The following PSD3 variants were observed in gnomAD, a reference collection of about 807,000 sequenced individuals.
PSD3 encodes the protein pleckstrin and Sec7 domain containing 3, also known as PH and SEC7 domain-containing protein 3.
In PSD3, 49 loss-of-function variants were observed where a neutral mutation model predicts 105.5. The ratio of observed to expected loss-of-function variants is 0.46; its 90% CI spans 0.37 to 0.59. The LOEUF (loss-of-function observed/expected upper bound fraction) is 0.59. Ranked by LOEUF, PSD3 falls within the 20% of genes least tolerant of loss-of-function variation. The pLI is 0.00. For synonymous variants in PSD3, 557 were observed against 457.8 expected (o/e 1.22, Z -2.77); for missense variants, 1,561 against 1,263.8 (o/e 1.24, Z -3.57).
At chr8:19,084,111 G>C (rs1310562852) in intron 1 of PSD3, 1 of 373,810 alleles carries the variant, frequency 2.7e-6, no homozygotes. Context: ...TCTAAGCAGA[G>C]GAGAGAACCA....
chr8:18,547,972 G>T (rs1800545795), intron 15 of PSD3, among the ~76,000 whole-genome samples: 3 of 152,094 alleles, frequency 2.0e-5, no homozygotes, highest in Non-Finnish European at 2.9e-5. Flanking sequence ...GAATCCTGTA[G>T]ATTTCTTTCT....
At chr8:18,797,476 T>G (rs74610762) in intron 8 of PSD3, among the ~76,000 whole-genome samples, 1 of 152,158 alleles carries the variant, frequency 6.6e-6, no homozygotes, top group African/African-American at 2.4e-5. Flanking sequence ...CAATTCCTTG[T>G]AAGTCTAAAG....
At chr8:18,883,063 T>C (rs146838411) in intron 2 of PSD3, among the ~76,000 whole-genome samples, 5 of 152,262 alleles carry the variant, frequency 3.3e-5, no homozygotes, top group African/African-American at 9.6e-5. Flanking sequence ...CCAAGGAGGC[T>C]TGTTAGAAAT....
intron 15 of PSD3, among the ~76,000 whole-genome samples, chr8:18,536,866 T>C (rs1295719455): frequency 6.6e-6 from 1 of 152,172 alleles, no homozygotes; most frequent in African/African-American, 2.4e-5. Flanking sequence ...AAAGTAAGTA[T>C]TCCACCATCC....
At chr8:18,918,725 C>T (rs1271523211) in intron 2 of PSD3, among the ~76,000 whole-genome samples, 1 of 152,102 alleles carries the variant, frequency 6.6e-6, no homozygotes, top group Admixed American at 6.5e-5. Context: ...TGTGGGTTTC[C>T]AGCTATGCAA....
chr8:18,809,727 T>C (rs560024159), intron 4 of PSD3, among the ~76,000 whole-genome samples: 3 of 152,346 alleles, frequency 2.0e-5, no homozygotes, highest in East Asian at 3.9e-4. Context: ...GGTAGCTTAT[T>C]CACAATTAGA....
chr8:18,632,574 A>T, intron 11 of PSD3, 39 bp downstream of exon 11: 1 of 1,558,052 alleles, frequency 6.4e-7, no homozygotes, highest in Non-Finnish European at 8.7e-7. Context: ...CATAAAGATA[A>T]AATAAATGAA....
At chr8:18,915,232 A>G (rs1024191072) in intron 2 of PSD3, among the ~76,000 whole-genome samples, 4 of 152,196 alleles carry the variant, frequency 2.6e-5, no homozygotes, top group Admixed American at 2.6e-4. Flanking sequence ...CCAAAACTAC[A>G]AAACTACTAG....
chr8:18,828,064 TA>T (rs1407883261), intron 4 of PSD3, among the ~76,000 whole-genome samples: 2,282 of 105,678 alleles, frequency 0.022, 72 homozygotes, highest in African/African-American at 0.08. Context: ...TATATATATA[TA>T]TATTTTTTTT....
At chr8:18,544,425 G>GTT (rs78051321) in intron 15 of PSD3, among the ~76,000 whole-genome samples, 1 of 144,856 alleles carries the variant, frequency 6.9e-6, no homozygotes, top group Non-Finnish European at 1.5e-5. Context: ...AAATGTTCAG[G>GTT]TTTTTTTTTT....
Position 18,535,746 on chromosome 8 carries a change from A to C in PSD3, c.3141T>G (p.Thr1047=). Residue 1047 remains threonine (T), a synonymous_variant, in exon 16 of 16, where the codon ACT becomes ACG. Transcript: ENST00000327040. ...ACTTCCTGGCCGCAGATGGACTCTAAGTAACTTTTTGCTTAATGCTTGGTG... is the reference window on the plus strand; with the variant it reads ...ACTTCCTGGCCGCAGATGGACTCTACGTAACTTTTTGCTTAATGCTTGGTG... ...PETPSIKQKV[T] is the part of the protein sequence containing the mutation. The C allele has an allele frequency of 1.2e-6, 2 of 1,608,682 alleles. No individual in the cohort carries two copies. The highest frequency in any genetic ancestry group is 1.7e-6 in the Non-Finnish European group (2 of 1,175,068).
At chr8:18,838,243 G>C (rs1586181490) in intron 4 of PSD3, among the ~76,000 whole-genome samples, 1 of 152,096 alleles carries the variant, frequency 6.6e-6, no homozygotes, top group South Asian at 2.1e-4. Context: ...ATTTCATGTA[G>C]AGCGATGGCT....
chr8:18,921,684 C>T (rs1185773653), intron 2 of PSD3, among the ~76,000 whole-genome samples: 1 of 152,150 alleles, frequency 6.6e-6, no homozygotes, highest in Admixed American at 6.5e-5. Flanking sequence ...CTTGGGGTTG[C>T]AAAGTGTGAC....
intron 8 of PSD3, among the ~76,000 whole-genome samples, chr8:18,797,209 A>C (rs1810263956): frequency 6.6e-6 from 1 of 152,170 alleles, no homozygotes; most frequent in Non-Finnish European, 1.5e-5. Flanking sequence ...TAAAACCTAA[A>C]TAGACAATCC....
At chr8:18,744,874 A>G (rs551608310) in intron 9 of PSD3, among the ~76,000 whole-genome samples, 1 of 152,294 alleles carries the variant, frequency 6.6e-6, no homozygotes, top group South Asian at 2.1e-4. Context: ...CCATTTGGTG[A>G]CAGTTCTTCA....
At position 18,932,157 on chromosome 8, in the gene PSD3, C is replaced by T. The variant is rs182647746; in HGVS notation, c.130+3877G>A. Among the ~76,000 whole-genome samples, 20 of 152,292 alleles carry T rather than the reference C, an allele frequency of 1.3e-4. No individual in the cohort carries two copies. The East Asian group carries it at 1.7e-3, about 13-fold the overall frequency. On this transcript the variant is annotated intron_variant, in intron 2 of 15. Coordinates refer to ENST00000327040, the MANE Select transcript of PSD3 (RefSeq NM_015310.4). ...TGAGCTGTGTATTTACAATCTCATT[C>T]GATTTCCAGTACAACTCTATGAAGA...
chr8:18,697,039 T>TGAGCCCAGGGGTG, intron 9 of PSD3, among the ~76,000 whole-genome samples: 1 of 20,764 alleles, frequency 4.8e-5, no homozygotes, highest in Admixed American at 2.6e-4. Flanking sequence ...GCCCAGGGGT[T>TGAGCCCAGGGGTG]TGAGACCAGC....
intron 15 of PSD3, among the ~76,000 whole-genome samples, chr8:18,555,015 C>T (rs933510357): frequency 6.6e-5 from 10 of 152,084 alleles, no homozygotes; most frequent in Non-Finnish European, 8.8e-5. Context: ...AACGTGGAGA[C>T]GCCAAATCCT....
intron 10 of PSD3, among the ~76,000 whole-genome samples, chr8:18,635,695 T>C (rs994504517): frequency 2.2e-4 from 33 of 152,232 alleles, no homozygotes; most frequent in African/African-American, 7.0e-4. Context: ...TATGGAATAC[T>C]ATGGAGTCAT....
Sources: allele counts gnomAD v4.1 joint callset (sites outside exome capture counted in the v4.1 genomes callset), GRCh38; gene constraint gnomAD v4.1.1; transcripts MANE v1.5; gene names NCBI Gene and HGNC (gene_info 2026-07-23, HGNC 2026-07-21).